PTCHD1: variants seen among roughly 807,000 people sequenced by gnomAD.
PTCHD1 encodes patched domain containing 1, also known as patched domain-containing protein 1.
A neutral mutation model predicts 34.6 loss-of-function variants in PTCHD1; 3 were observed. The observed-to-expected ratio is 0.09, with a 90% confidence interval of 0.04 to 0.22. The LOEUF (loss-of-function observed/expected upper bound fraction) is 0.22, where lower values mean the gene tolerates loss of function less well. Ranked by LOEUF, PTCHD1 falls within the 10% of genes least tolerant of loss-of-function variation. The pLI is 1.00. For missense variants in PTCHD1, 504 were observed against 685.5 expected (o/e 0.74, Z 2.96); for synonymous variants, 305 against 283.1 (o/e 1.08, Z -0.77).
intron 1 of PTCHD1, among the ~76,000 whole-genome samples, chrX:23,362,692 TGGA>T (rs1392450136): frequency 8.9e-6 from 1 of 112,200 alleles, no homozygotes; most frequent in Non-Finnish European, 1.9e-5. Flanking sequence ...TGTGATCCTT[TGGA>T]GGAGAAGAGG....
At chrX:23,341,535 G>A (rs1159354421) in intron 1 of PTCHD1, among the ~76,000 whole-genome samples, 1 of 111,686 alleles carries the variant, frequency 9.0e-6, no homozygotes. Context: ...TAGGCTTAAA[G>A]CAGACCTTTG....
chrX:23,402,320 TCTCACACA>T lies in PTCHD1; in HGVS notation c.*8137_*8144del, dbSNP rs904538492. 3.5e-4 allele frequency: 39 copies of T among 111,201 alleles called. 1 individual carries two copies. Among genetic ancestry groups the T allele is most frequent in the African/African-American group, 1.3e-3 (39 of 30,480 alleles). 9.2% of individuals were successfully genotyped at this position (111,201 alleles called of 1,213,427 possible). On this transcript the variant is annotated 3_prime_UTR_variant, in exon 3 of 3. Transcript: ENST00000379361. Reference sequence around the variant, plus strand: ...CAAACTCTCTGTCTCTCTCTCTCTCTCTCACACACACACACACAGAGTGGATGGGAGGG... The same window carrying T: ...CAAACTCTCTGTCTCTCTCTCTCTCTCACACACACAGAGTGGATGGGAGGG...
chrX:23,362,475 T>G (rs1415376687), intron 1 of PTCHD1, among the ~76,000 whole-genome samples: 1 of 112,475 alleles, frequency 8.9e-6, no homozygotes, highest in Admixed American at 9.4e-5. Flanking sequence ...TTCAGCTCCA[T>G]CAGGTCATTT....
intron 1 of PTCHD1, among the ~76,000 whole-genome samples, chrX:23,347,704 G>A (rs1367938092): frequency 1.8e-5 from 2 of 111,810 alleles, no homozygotes; most frequent in Non-Finnish European, 3.8e-5. Context: ...ACCAGACAGG[G>A]AATTGAAAGT....
chrX:23,359,364 A>G (rs1217009917), intron 1 of PTCHD1, among the ~76,000 whole-genome samples: 2 of 111,872 alleles, frequency 1.8e-5, no homozygotes, highest in Non-Finnish European at 3.8e-5. Flanking sequence ...GGTCCTTCAC[A>G]TCCCTTGTAA....
chrX:23,391,085 A>G (rs1922817949), intron 2 of PTCHD1, among the ~76,000 whole-genome samples: 1 of 111,593 alleles, frequency 9.0e-6, no homozygotes, highest in Non-Finnish European at 1.9e-5. Flanking sequence ...GAAGTAGGGA[A>G]ATGTCTGGCT....
intron 1 of PTCHD1, among the ~76,000 whole-genome samples, chrX:23,369,671 T>C (rs1352884043): frequency 8.9e-6 from 1 of 112,016 alleles, no homozygotes; most frequent in African/African-American, 3.3e-5. Flanking sequence ...ACTTAGTACC[T>C]TTTAGTTTCC....
At chrX:23,386,049 C>T (rs184566328) in intron 2 of PTCHD1, among the ~76,000 whole-genome samples, 2 of 110,547 alleles carry the variant, frequency 1.8e-5, no homozygotes, top group East Asian at 5.6e-4. Flanking sequence ...AGGAGTCCAA[C>T]ATTTTGTATG....
intron 2 of PTCHD1, among the ~76,000 whole-genome samples, chrX:23,381,437 C>T (rs1922561729): frequency 8.9e-6 from 1 of 112,744 alleles, no homozygotes; most frequent in African/African-American, 3.2e-5. Context: ...GAATCAGATA[C>T]TCACATGACA....
At chrX:23,350,213 A>G (rs1921592416) in intron 1 of PTCHD1, among the ~76,000 whole-genome samples, 1 of 111,271 alleles carries the variant, frequency 9.0e-6, no homozygotes, top group Non-Finnish European at 1.9e-5. Flanking sequence ...AAACCTATTT[A>G]ACTCTGTCCA....
At chrX:23,391,953 C>T (rs1027743659) in intron 2 of PTCHD1, among the ~76,000 whole-genome samples, 1 of 110,952 alleles carries the variant, frequency 9.0e-6, no homozygotes, top group Admixed American at 9.5e-5. Context: ...AACTCCGAGG[C>T]TCAAGAGATC....
In PTCHD1 at chrX:23,379,182, C is replaced by G. The variant is rs1167440429; in HGVS notation, c.352-409C>G. On this transcript the variant is annotated intron_variant, in intron 1 of 2. Transcript: ENST00000379361. ...GAACAGGGGACCTATATAAGACTTC[C>G]CAACAGTATAGACCAATTGGGTCAC... Among the ~76,000 whole-genome samples, 17 of 112,258 alleles carry G rather than the reference C, an allele frequency of 1.5e-4. No homozygotes were observed. The Admixed American group carries it at 1.6e-3, about 11-fold the overall frequency.
At chrX:23,368,982 T>G (rs942211171) in intron 1 of PTCHD1, among the ~76,000 whole-genome samples, 1 of 111,308 alleles carries the variant, frequency 9.0e-6, no homozygotes, top group African/African-American at 3.3e-5. Flanking sequence ...GAGAATCGCT[T>G]GAACCCAGGA....
At chrX:23,372,630 A>G (rs758087404) in intron 1 of PTCHD1, among the ~76,000 whole-genome samples, 17 of 111,426 alleles carry the variant, frequency 1.5e-4, no homozygotes, top group African/African-American at 5.5e-4. Context: ...TGTTCCTGGC[A>G]TGGTTATTTG....
In PTCHD1 at chrX:23,393,619, C is replaced by A; in HGVS notation, c.2101C>A (p.His701Asn). Residue 701 changes from histidine to asparagine, a missense_variant, in exon 3 of 3, where the codon CAC becomes AAC. Coordinates refer to ENST00000379361, the MANE Select transcript of PTCHD1 (RefSeq NM_173495.3). Reference protein sequence around the residue: ...RYASSLGAPLHNSCISALFLL... With the variant: ...RYASSLGAPLNNSCISALFLL... ...TGCCTCCTCTCTGGGAGCCCCCCTG[C>A]ACAACTCCTGCATCAGTGCTTTGTT... The A allele has an allele frequency of 8.3e-7, 1 of 1,211,662 alleles. No individual in the cohort carries two copies.
rs751061205 is a variant in PTCHD1 at position 23,392,809 on chromosome X, A to T, written c.1291A>T (p.Ile431Leu). The T allele has an allele frequency of 8.3e-7, 1 of 1,210,711 alleles. No individual in the cohort carries two copies. Among genetic ancestry groups the T allele is most frequent in the African/African-American group, 1.7e-5 (1 of 57,368 alleles). The stretch of plus-strand genomic sequence containing the variant: ...TTCCAGCCTAGTGTTCACTGGCTAC[A>T]TAGAAAACAATTACCAGCATAGTAT... ...YGSSLVFTGY[I>L]ENNYQHSIFC... Residue 431 changes from isoleucine (I) to leucine (L), a missense_variant, in exon 3 of 3, where the codon ATA becomes TTA. By Grantham distance (5) the Ile-to-Leu change is conservative (BLOSUM62 2). Coordinates refer to ENST00000379361, the MANE Select transcript of PTCHD1 (RefSeq NM_173495.3).
At chrX:23,378,362 G>A (rs770369192) in intron 1 of PTCHD1, among the ~76,000 whole-genome samples, 13 of 111,984 alleles carry the variant, frequency 1.2e-4, no homozygotes, top group Non-Finnish European at 2.1e-4. Context: ...GCCCTGACAC[G>A]TGGTAGTAGC....
chrX:23,363,736 G>C (rs1453711095), intron 1 of PTCHD1, among the ~76,000 whole-genome samples: 4 of 112,541 alleles, frequency 3.6e-5, no homozygotes, highest in African/African-American at 1.3e-4. Context: ...CTTCTACGTC[G>C]ATCACGCTGT....
intron 1 of PTCHD1, among the ~76,000 whole-genome samples, chrX:23,360,050 C>T (rs746263135): frequency 8.9e-6 from 1 of 112,129 alleles, no homozygotes; most frequent in South Asian, 3.7e-4. Flanking sequence ...ATTCAGTTTA[C>T]TAGTATTTTA....
Sources: allele counts gnomAD v4.1 joint callset (sites outside exome capture counted in the v4.1 genomes callset), GRCh38; gene constraint gnomAD v4.1.1; transcripts MANE v1.5; gene names NCBI Gene and HGNC (gene_info 2026-07-23, HGNC 2026-07-21).